PKIG: variants seen among roughly 807,000 people sequenced by gnomAD.
PKIG encodes the protein protein kinase (cAMP-dependent, catalytic) inhibitor gamma.
Under a neutral mutation model 6.8 loss-of-function variants are expected in PKIG, and 1 was observed. The observed-to-expected ratio is 0.15, with a 90% CI of 0.05 to 0.69. PKIG has a LOEUF of 0.69. Ranked by LOEUF, PKIG falls within the 30% of genes least tolerant of loss-of-function variation. The pLI is 0.82. For synonymous variants in PKIG, 39 were observed against 43.0 expected (o/e 0.91, Z 0.36); for missense variants, 77 against 104.0 (o/e 0.74, Z 1.13).
chr20:44,570,687 T>C (rs1443345378), intron 1 of PKIG, among the ~76,000 whole-genome samples: 1 of 152,056 alleles, frequency 6.6e-6, no homozygotes, highest in Non-Finnish European at 1.5e-5. Flanking sequence ...CCTCATCTCA[T>C]AGAACTGATA....
intron 1 of PKIG, among the ~76,000 whole-genome samples, chr20:44,542,303 C>G (rs1248604427): frequency 6.6e-6 from 1 of 152,056 alleles, no homozygotes; most frequent in East Asian, 1.9e-4. Context: ...TGTTATAAAG[C>G]TTGGCCACTC....
intron 3 of PKIG, among the ~76,000 whole-genome samples, chr20:44,615,812 C>A (rs1393843732): frequency 1.4e-4 from 21 of 152,244 alleles, no homozygotes; most frequent in African/African-American, 5.1e-4. Flanking sequence ...GGCTTGGACC[C>A]AGCCCTCTCA....
intron 1 of PKIG, among the ~76,000 whole-genome samples, chr20:44,569,208 T>C (rs1220190658): frequency 6.6e-6 from 1 of 152,218 alleles, no homozygotes; most frequent in East Asian, 1.9e-4. Context: ...CTGAGAAATA[T>C]CATTTAAAAG....
chr20:44,584,722 C>CTT (rs3092041), intron 1 of PKIG, among the ~76,000 whole-genome samples: 17 of 140,310 alleles, frequency 1.2e-4, no homozygotes, highest in Admixed American at 6.4e-4. Context: ...CTTGGCACTT[C>CTT]TTTTTTTTTT....
chr20:44,590,235 GTT>G (rs2123382764), intron 2 of PKIG, among the ~76,000 whole-genome samples: 1 of 152,306 alleles, frequency 6.6e-6, no homozygotes, highest in South Asian at 2.1e-4. Context: ...TCCACCAAGT[GTT>G]TGCTGTAAAG....
intron 2 of PKIG, among the ~76,000 whole-genome samples, chr20:44,610,647 A>G (rs1350488264): frequency 6.6e-6 from 1 of 152,218 alleles, no homozygotes; most frequent in Non-Finnish European, 1.5e-5. Context: ...CAACCATTGA[A>G]AAAATATAGA....
At chr20:44,571,715 C>A (rs1000407073) in intron 1 of PKIG, among the ~76,000 whole-genome samples, 7 of 152,226 alleles carry the variant, frequency 4.6e-5, no homozygotes, top group Non-Finnish European at 1.5e-5. Context: ...TTTTTCCAAA[C>A]AAATTCATTG....
intron 2 of PKIG, among the ~76,000 whole-genome samples, chr20:44,597,561 T>C (rs1039232566): frequency 1.6e-4 from 25 of 152,186 alleles, no homozygotes; most frequent in African/African-American, 5.6e-4. Context: ...ATTTTGGAGA[T>C]GCATTTTATA....
At position 44,614,061 on chromosome 20, in the gene PKIG, G is replaced by A. The variant is rs139569445; in HGVS notation, c.-23-473G>A. Among the ~76,000 whole-genome samples the A allele has an allele frequency of 1.5e-3, 235 of 152,210 alleles. No individual in the cohort carries two copies. Among genetic ancestry groups the A allele is most frequent in the African/African-American group, 5.5e-3 (228 of 41,528 alleles). ...GTCCTCCTTGGTTCTCAGCTAAAATGTCACTTTGTGACCCCCAGCCTTGAT... is the reference window on the plus strand; with the variant it reads ...GTCCTCCTTGGTTCTCAGCTAAAATATCACTTTGTGACCCCCAGCCTTGAT... On this transcript the variant is annotated intron_variant, in intron 2 of 3. Transcript: ENST00000372886. The surrounding 1 kb of genome is among the most constrained non-coding windows in gnomAD (Gnocchi z 4.6).
chr20:44,600,665 G>A (rs143087679), intron 2 of PKIG, among the ~76,000 whole-genome samples: 12 of 151,906 alleles, frequency 7.9e-5, no homozygotes, highest in East Asian at 3.9e-4. Context: ...GGGCAGCATC[G>A]TAAGACCCTG....
chr20:44,547,390 TAG>T (rs2064624765), intron 1 of PKIG, among the ~76,000 whole-genome samples: 1 of 152,026 alleles, frequency 6.6e-6, no homozygotes, highest in Non-Finnish European at 1.5e-5. Flanking sequence ...AGGATAAGGG[TAG>T]AGAGAATATG....
intron 2 of PKIG, among the ~76,000 whole-genome samples, chr20:44,605,940 A>T (rs2065160635): frequency 6.6e-6 from 1 of 152,128 alleles, no homozygotes; most frequent in Admixed American, 6.6e-5. Flanking sequence ...AAACAAAGGG[A>T]TTTCTTTACT....
At chr20:44,553,994 G>A (rs1377815773) in intron 1 of PKIG, among the ~76,000 whole-genome samples, 1 of 152,130 alleles carries the variant, frequency 6.6e-6, no homozygotes, top group Non-Finnish European at 1.5e-5. Flanking sequence ...GACAGTGAGA[G>A]GGAAGTTTGG....
chr20:44,537,088 C>T (rs1600832432), intron 1 of PKIG, among the ~76,000 whole-genome samples: 2 of 152,014 alleles, frequency 1.3e-5, no homozygotes, highest in African/African-American at 4.8e-5. Flanking sequence ...TGCCATTATG[C>T]CCGGCTAATT....
intron 1 of PKIG, among the ~76,000 whole-genome samples, chr20:44,552,496 C>T (rs1219769012): frequency 6.6e-6 from 1 of 152,138 alleles, no homozygotes; most frequent in Non-Finnish European, 1.5e-5. Flanking sequence ...GTATCCCCTG[C>T]AGTACCTGAT....
At chr20:44,588,287 T>C (rs2065006534) in intron 1 of PKIG, among the ~76,000 whole-genome samples, 1 of 152,180 alleles carries the variant, frequency 6.6e-6, no homozygotes, top group African/African-American at 2.4e-5. Context: ...AAGAAGTCAA[T>C]AAGCAGGGGG....
chr20:44,540,863 T>C (rs1377432470), intron 1 of PKIG, among the ~76,000 whole-genome samples: 1 of 152,232 alleles, frequency 6.6e-6, no homozygotes, highest in South Asian at 2.1e-4. Flanking sequence ...ATTACAGGCA[T>C]GAGCCACTGC....
intron 1 of PKIG, among the ~76,000 whole-genome samples, chr20:44,555,976 G>A (rs1035217416): frequency 2.0e-5 from 3 of 152,204 alleles, no homozygotes; most frequent in African/African-American, 7.2e-5. Context: ...AAGTAGCTGG[G>A]ACTACAGGTG....
At position 44,614,725 on chromosome 20, in the gene PKIG, C is replaced by T; in HGVS notation, c.151+18C>T. 5 of 1,612,792 alleles carry T rather than the reference C, an allele frequency of 3.1e-6. No individual in the cohort carries two copies. The highest frequency in any genetic ancestry group is 4.2e-6 in the Non-Finnish European group (5 of 1,179,704). The stretch of plus-strand genomic sequence containing the variant: ...GGGGGCAGGTTAGAGCCAGCAGGTC[C>T]TTGGCACTACTGCATGCCAGAGGCC... On this transcript the variant is annotated intron_variant, in intron 3 of 3. Transcript: ENST00000372886. This position sits in a 1 kb window ranked among gnomAD's most constrained non-coding sequence, Gnocchi z 4.6.
Sources: allele counts gnomAD v4.1 joint callset (sites outside exome capture counted in the v4.1 genomes callset), GRCh38; gene constraint gnomAD v4.1.1; non-coding constraint Gnocchi (gnomAD v3.1); transcripts MANE v1.5; gene names NCBI Gene and HGNC (gene_info 2026-07-23, HGNC 2026-07-21).